AP3B1: variants seen among roughly 807,000 people sequenced by gnomAD.
AP3B1 encodes adaptor related protein complex 3 subunit beta 1.
AP3B1 carries 61 observed loss-of-function variants against 132.5 expected under a neutral mutation model. That is an observed-to-expected ratio of 0.46 (90% CI 0.37 to 0.57). The LOEUF (loss-of-function observed/expected upper bound fraction) is 0.57, where lower values mean the gene tolerates loss of function less well. Among genes scored for constraint, AP3B1 ranks in the 20% least tolerant of loss-of-function variants. The pLI, the probability that AP3B1 is intolerant of heterozygous loss-of-function variation, is 0.00. For missense variants in AP3B1, 1,120 were observed against 1,289.4 expected (o/e 0.87, Z 2.01); for synonymous variants, 388 against 438.3 (o/e 0.89, Z 1.43).
At chr5:78,248,758 AT>A (rs1316423294) in intron 2 of AP3B1, among the ~76,000 whole-genome samples, 1 of 152,170 alleles carries the variant, frequency 6.6e-6, no homozygotes, top group Non-Finnish European at 1.5e-5. Context: ...CATGTTAGAA[AT>A]GGATACTCTT....
chr5:78,262,381 ATTTTGG>A (rs1289966535), intron 2 of AP3B1, among the ~76,000 whole-genome samples: 1 of 152,046 alleles, frequency 6.6e-6, no homozygotes, highest in Non-Finnish European at 1.5e-5. Flanking sequence ...TCTTTGATCC[ATTTTGG>A]TTTATTTTTA....
chr5:78,165,466 C>A, intron 12 of AP3B1, 144 bp downstream of exon 12: 1 of 640,100 alleles, frequency 1.6e-6, no homozygotes, highest in Non-Finnish European at 2.8e-6. Context: ...TTTATTCTTG[C>A]AAATTTATGA....
intron 22 of AP3B1, among the ~76,000 whole-genome samples, chr5:78,069,012 A>G (rs1229835428): frequency 6.6e-6 from 1 of 152,240 alleles, no homozygotes; most frequent in African/African-American, 2.4e-5. Flanking sequence ...AAACCACAGG[A>G]TTATCTCAAT....
At chr5:78,241,337 G>C (rs760308184) in intron 2 of AP3B1, among the ~76,000 whole-genome samples, 3 of 151,960 alleles carry the variant, frequency 2.0e-5, no homozygotes, top group Non-Finnish European at 4.4e-5. Context: ...GGCTACAGGC[G>C]TATGTCATCA....
chr5:78,240,982 T>C, intron 2 of AP3B1, 46 bp from the exon 3 acceptor site: 1 of 1,328,998 alleles, frequency 7.5e-7, no homozygotes, highest in Non-Finnish European at 1.1e-6. Context: ...CTATATATAT[T>C]AAATATTTAG....
chr5:78,281,452 A>C (rs2112584864), intron 1 of AP3B1, among the ~76,000 whole-genome samples: 1 of 151,968 alleles, frequency 6.6e-6, no homozygotes, highest in East Asian at 1.9e-4. Flanking sequence ...AAAAAAAAAA[A>C]AAAAACAGTT....
chr5:78,070,931 G>C (rs1221576877), intron 22 of AP3B1, among the ~76,000 whole-genome samples: 1 of 152,184 alleles, frequency 6.6e-6, no homozygotes, highest in African/African-American at 2.4e-5. Flanking sequence ...AAGCTATGAA[G>C]AAATAGGAAT....
intron 17 of AP3B1, among the ~76,000 whole-genome samples, chr5:78,117,839 A>G (rs1751928016): frequency 6.6e-6 from 1 of 152,230 alleles, no homozygotes; most frequent in African/African-American, 2.4e-5. Context: ...TCAAGAAGAA[A>G]TTAAATCATG....
chr5:78,069,720 T>C (rs977860948), intron 22 of AP3B1, among the ~76,000 whole-genome samples: 1 of 152,140 alleles, frequency 6.6e-6, no homozygotes, highest in Non-Finnish European at 1.5e-5. Flanking sequence ...TAAACTACCA[T>C]TGACATTCTT....
At chr5:78,265,516 G>A (rs1169072184) in intron 2 of AP3B1, among the ~76,000 whole-genome samples, 2 of 152,134 alleles carry the variant, frequency 1.3e-5, no homozygotes, top group African/African-American at 4.8e-5. Context: ...TCTCTTATCA[G>A]TGTTTAACTC....
chr5:78,244,152 G>C (rs1198891483), intron 2 of AP3B1, among the ~76,000 whole-genome samples: 1 of 152,204 alleles, frequency 6.6e-6, no homozygotes, highest in East Asian at 1.9e-4. Flanking sequence ...CCGGCACTTT[G>C]GGAGGCCAAG....
intron 7 of AP3B1, among the ~76,000 whole-genome samples, chr5:78,200,523 G>C (rs1159962844): frequency 1.3e-5 from 2 of 152,024 alleles, no homozygotes; most frequent in African/African-American, 4.8e-5. Context: ...GCCAGGCATG[G>C]CAGTGTGTGC....
At chr5:78,219,349 T>G (rs976801012) in intron 6 of AP3B1, among the ~76,000 whole-genome samples, 2 of 152,072 alleles carry the variant, frequency 1.3e-5, no homozygotes, top group African/African-American at 4.8e-5. Context: ...TGCTACATTT[T>G]AAAGAAAAAC....
chr5:78,215,272 A>G (rs1287838810), intron 7 of AP3B1, among the ~76,000 whole-genome samples: 1 of 152,136 alleles, frequency 6.6e-6, no homozygotes, highest in South Asian at 2.1e-4. Context: ...AAGATAAGAC[A>G]TCAAAAGACT....
chr5:78,185,921 A>AAAT (rs1744587533), intron 7 of AP3B1, among the ~76,000 whole-genome samples: 1 of 152,166 alleles, frequency 6.6e-6, no homozygotes, highest in Non-Finnish European at 1.5e-5. Context: ...AGATATATTC[A>AAAT]AATTAACTGC....
At chr5:78,125,322 T>G (rs1010909236) in intron 17 of AP3B1, among the ~76,000 whole-genome samples, 1 of 152,184 alleles carries the variant, frequency 6.6e-6, no homozygotes, top group Non-Finnish European at 1.5e-5. Flanking sequence ...ACTGTCAATC[T>G]GACTAGGTTC....
At chr5:78,141,072 G>A in intron 15 of AP3B1, 71 bp downstream of exon 15, 1 of 1,417,262 alleles carries the variant, frequency 7.1e-7, no homozygotes, top group Non-Finnish European at 1.0e-6. Context: ...TGAAGGCACA[G>A]ACCCCCGCTG....
At chr5:78,124,142 G>C (rs1459472785) in intron 17 of AP3B1, among the ~76,000 whole-genome samples, 3 of 152,104 alleles carry the variant, frequency 2.0e-5, no homozygotes, top group Non-Finnish European at 4.4e-5. Context: ...GGTGGGAAAT[G>C]AACAATGAGA....
At chr5:78,097,041 GC>G (rs1750852743) in intron 21 of AP3B1, among the ~76,000 whole-genome samples, 1 of 118,084 alleles carries the variant, frequency 8.5e-6, no homozygotes, top group African/African-American at 3.9e-5. Context: ...CCGGCCAGCC[GC>G]CCCGTCCGGG....
Sources: allele counts gnomAD v4.1 joint callset (sites outside exome capture counted in the v4.1 genomes callset), GRCh38; gene constraint gnomAD v4.1.1; transcripts MANE v1.5; gene names NCBI Gene and HGNC (gene_info 2026-07-23, HGNC 2026-07-21).